The following PUDP variants were observed in gnomAD, a reference collection of about 807,000 sequenced individuals.
The protein encoded by PUDP is pseudouridine-5'-phosphatase.
Under a neutral mutation model 9.4 loss-of-function variants are expected in PUDP, and 8 were observed. That is an observed-to-expected ratio of 0.85 (90% CI 0.50 to 1.53). PUDP has a LOEUF of 1.53. Ranked by LOEUF, PUDP falls within the 40% of genes most tolerant of loss-of-function variation. The pLI, the probability that PUDP is intolerant of heterozygous loss-of-function variation, is 0.00. For synonymous variants in PUDP, 99 were observed against 80.7 expected (o/e 1.23, Z -1.22); for missense variants, 188 against 189.7 (o/e 0.99, Z 0.05).
chrX:6,876,671 GTT>G (rs1491159150), intron 3 of PUDP, among the ~76,000 whole-genome samples: 11 of 106,596 alleles, frequency 1.0e-4, no homozygotes, highest in African/African-American at 2.8e-4. Flanking sequence ...GTGTGTGTGT[GTT>G]TGTGTACACA....
At chrX:6,933,352 C>T (rs1387091297) in intron 3 of PUDP, among the ~76,000 whole-genome samples, 3 of 111,541 alleles carry the variant, frequency 2.7e-5, no homozygotes, top group South Asian at 3.8e-4. Flanking sequence ...CTGCAAACAC[C>T]GCTGCGGATA....
intron 3 of PUDP, among the ~76,000 whole-genome samples, chrX:6,970,324 A>C (rs779397241): frequency 1.8e-5 from 2 of 112,477 alleles, no homozygotes; most frequent in South Asian, 7.3e-4. Flanking sequence ...TGTGTTGTGT[A>C]ACATTTTAGA....
At chrX:7,067,072 A>T (rs749835825) in intron 3 of PUDP, among the ~76,000 whole-genome samples, 1 of 112,534 alleles carries the variant, frequency 8.9e-6, no homozygotes, top group East Asian at 2.8e-4. Flanking sequence ...CCAAGCATAA[A>T]GAAGATATCT....
At chrX:6,850,703 A>G (rs1258096013) in intron 3 of PUDP, among the ~76,000 whole-genome samples, 1 of 112,408 alleles carries the variant, frequency 8.9e-6, no homozygotes, top group Non-Finnish European at 1.9e-5. Flanking sequence ...AGGAGTGAAA[A>G]ATTAGCAGTA....
intron 1 of PUDP, among the ~76,000 whole-genome samples, chrX:6,720,829 G>A (rs1172536905): frequency 9.0e-6 from 1 of 110,746 alleles, no homozygotes. Context: ...AAAGGTGGGG[G>A]AATAAAAGAA....
At chrX:6,949,639 T>C (rs1928519837) in intron 3 of PUDP, among the ~76,000 whole-genome samples, 1 of 112,842 alleles carries the variant, frequency 8.9e-6, no homozygotes, top group Admixed American at 9.4e-5. Flanking sequence ...ATATTGCTTT[T>C]CATTACCCTT....
chrX:6,959,997 A>G (rs964296370), intron 3 of PUDP, among the ~76,000 whole-genome samples: 2 of 112,478 alleles, frequency 1.8e-5, no homozygotes, highest in African/African-American at 6.5e-5. Context: ...TGGAAAGTAG[A>G]TATCTTGTTT....
At chrX:6,879,367 T>C (rs1225490760) in intron 3 of PUDP, among the ~76,000 whole-genome samples, 1 of 111,528 alleles carries the variant, frequency 9.0e-6, no homozygotes, top group Non-Finnish European at 1.9e-5. Context: ...TTGAATTTTG[T>C]TGTTGTTGTT....
intron 3 of PUDP, among the ~76,000 whole-genome samples, chrX:7,058,397 G>A (rs1351197487): frequency 8.9e-6 from 1 of 112,145 alleles, no homozygotes; most frequent in East Asian, 2.8e-4. Context: ...TACAGCAGCT[G>A]CTCACAACTA....
chrX:6,927,933 T>A (rs995830322), intron 3 of PUDP, among the ~76,000 whole-genome samples: 1 of 106,064 alleles, frequency 9.4e-6, no homozygotes, highest in African/African-American at 3.4e-5. Context: ...GAGACACTCA[T>A]CATTCTTGGA....
chrX:6,908,455 C>T (rs953878447), intron 3 of PUDP, among the ~76,000 whole-genome samples: 7 of 111,711 alleles, frequency 6.3e-5, no homozygotes, highest in African/African-American at 9.7e-5. Flanking sequence ...TGGTTTATTA[C>T]AGGGAAGGGG....
Position 6,767,992 on chromosome X carries a change from C to T in PUDP, c.*248-61526G>A, listed in dbSNP as rs189472408. 5.4e-5 allele frequency among the ~76,000 whole-genome samples: 6 copies of T among 111,761 alleles called. No homozygotes were observed. In the East Asian group the frequency reaches 1.7e-3, roughly 31 times the overall value. On this transcript the variant is annotated intron_variant and NMD_transcript_variant, in intron 3 of 3. Transcript: ENST00000655425. ...CTCTCGTTTCCCATGTACTCAACAC[C>T]CTTCTGAACCCATCTGAAAAACTAG...
chrX:7,105,946 G>A, intron 1 of PUDP, 108 bp from the exon 2 acceptor site: 5 of 513,164 alleles, frequency 9.7e-6, no homozygotes, highest in Non-Finnish European at 1.5e-5. Flanking sequence ...ATGAACAAAG[G>A]CTTTTGTGGA....
At chrX:6,808,113 T>C (rs1438542423) in intron 3 of PUDP, among the ~76,000 whole-genome samples, 1 of 111,206 alleles carries the variant, frequency 9.0e-6, no homozygotes, top group Non-Finnish European at 1.9e-5. Flanking sequence ...AACATAGCCA[T>C]TGTTTATTAG....
chrX:7,045,032 C>T (rs752004923), downstream of PUDP, among the ~76,000 whole-genome samples: 4 of 112,138 alleles, frequency 3.6e-5, no homozygotes, highest in Non-Finnish European at 7.5e-5. Context: ...GTGTCCCCCC[C>T]CAAATCTCAT....
chrX:6,742,775 AAAAC>A (rs1365098615), intron 3 of PUDP, among the ~76,000 whole-genome samples: 1 of 111,655 alleles, frequency 9.0e-6, no homozygotes, highest in Admixed American at 9.5e-5. Flanking sequence ...ACCCTGCCTC[AAAAC>A]AAACAAACAA....
At chrX:6,903,409 G>A (rs1201141765) in intron 3 of PUDP, among the ~76,000 whole-genome samples, 1 of 111,264 alleles carries the variant, frequency 9.0e-6, no homozygotes, top group Non-Finnish European at 1.9e-5. Flanking sequence ...AAATGTGGGT[G>A]TACCTTTGAC....
chrX:6,793,991 G>C (rs2146690798), intron 3 of PUDP, among the ~76,000 whole-genome samples: 1 of 111,568 alleles, frequency 9.0e-6, no homozygotes, highest in South Asian at 3.8e-4. Context: ...CCCTCCACCA[G>C]TGAACTTGGG....
intron 3 of PUDP, among the ~76,000 whole-genome samples, chrX:6,976,629 T>C (rs112859811): frequency 8.9e-5 from 10 of 112,117 alleles, no homozygotes; most frequent in African/African-American, 3.2e-4. Context: ...AGCTGCAGAC[T>C]GGAGCTGTTC....
Sources: gnomAD v4.1 joint callset for allele counts (sites outside exome capture counted in the v4.1 genomes callset) on GRCh38, gnomAD v4.1.1 for gene constraint, MANE v1.5 for transcripts, NCBI Gene and HGNC (gene_info 2026-07-23, HGNC 2026-07-21) for gene names.